Variants in ITIH1 observed in about 807,000 individuals in gnomAD.
The protein encoded by ITIH1 is inter-alpha-trypsin inhibitor heavy chain H1.
A neutral mutation model predicts 104.6 loss-of-function variants in ITIH1; 94 were observed. The observed-to-expected ratio is 0.90, with a 90% CI of 0.76 to 1.07. The LOEUF (loss-of-function observed/expected upper bound fraction) is 1.07. Among genes scored for constraint, ITIH1 ranks in the 50% least tolerant of loss-of-function variants. ITIH1 has a pLI of 0.00. For missense variants in ITIH1, 1,193 were observed against 1,181.4 expected, an observed-to-expected ratio of 1.01 and a Z score of -0.14; for synonymous variants, 455 against 464.4, an observed-to-expected ratio of 0.98 and a Z score of 0.26.
intron 13 of ITIH1, 106 bp from the exon 14 acceptor site, chr3:52,786,839 C>T (rs1578738730): frequency 6.8e-6 from 8 of 1,174,752 alleles, no homozygotes; most frequent in East Asian, 5.0e-5. Flanking sequence ...ACTTATGTGT[C>T]GAATGAATGA....
rs758332119 is a variant in ITIH1, at chr3:52,788,057, G to T, written c.1996G>T (p.Val666Leu). 6.2e-7 allele frequency: 1 copy of T among 1,603,784 alleles called. No individual in the cohort carries two copies. Among genetic ancestry groups the T allele is most frequent in the Non-Finnish European group, 8.5e-7 (1 of 1,174,522 alleles). The change falls in exon 17 of 22, where the codon GTG becomes TTG. Residue 666 changes from valine (V) to leucine (L), a missense_variant. By Grantham distance (32) the Val-to-Leu change is conservative. Coordinates refer to ENST00000273283, the MANE Select transcript of ITIH1 (RefSeq NM_002215.4). ...CAATACCCAGCGGCTGCCAGACCGAGTGACCGGCGGTGAGTCCTTGGAAGG... is the reference window on the plus strand; with the variant it reads ...CAATACCCAGCGGCTGCCAGACCGATTGACCGGCGGTGAGTCCTTGGAAGG... ...SSNTQRLPDR[V>L]TGVDTDPHFI...
intron 11 of ITIH1, 146 bp from the exon 12 acceptor site, chr3:52,784,898 G>A (rs1699159771): frequency 5.7e-6 from 4 of 701,618 alleles, no homozygotes; most frequent in African/African-American, 3.8e-5. Flanking sequence ...AAAATCAGCA[G>A]CATGACCTCG....
At position 52,780,363 on chromosome 3, in the gene ITIH1, A is replaced by C. The variant is rs764121160; in HGVS notation, c.668A>C (p.Lys223Thr). Reference protein sequence around the residue: ...PKELAAQTIKKSFSGKKGHVL... With the variant: ...PKELAAQTIKTSFSGKKGHVL... ...GAACTGGCAGCCCAAACTATCAAGA[A>C]GTCCTTCTCAGGAAAAAAGGTACAT... Residue 223 changes from lysine to threonine, a missense_variant, in exon 6 of 22, where the codon AAG becomes ACG. Physicochemically the swap from Lys to Thr is moderately conservative, Grantham distance 78. Coordinates refer to ENST00000273283, the MANE Select transcript of ITIH1 (RefSeq NM_002215.4). The C allele has an allele frequency of 6.2e-7, 1 of 1,613,816 alleles. No individual in the cohort carries two copies. Among genetic ancestry groups the C allele is most frequent in the Non-Finnish European group, 8.5e-7 (1 of 1,179,828 alleles).
intron 12 of ITIH1, among the ~76,000 whole-genome samples, chr3:52,785,596 A>G (rs1362896620): frequency 1.3e-5 from 2 of 152,244 alleles, no homozygotes; most frequent in Non-Finnish European, 2.9e-5. Context: ...GCCATGGTGC[A>G]GTGCATGCAT....
rs566644118 is a variant in ITIH1 at position 52,782,062 on chromosome 3, C to A, written c.810C>A (p.Leu270=). The change falls in exon 7 of 22, where the codon CTC becomes CTA. Residue 270 remains leucine, a synonymous_variant. Coordinates refer to ENST00000273283, the MANE Select transcript of ITIH1 (RefSeq NM_002215.4). Reference sequence around the variant, plus strand: ...TCAGTCGAGACAAGATCTGCGACCTCCTGGTGAGCCCTGAGCTTCTGGCTC... The same window carrying A: ...TCAGTCGAGACAAGATCTGCGACCTACTGGTGAGCCCTGAGCTTCTGGCTC... ...YDVSRDKICD[L]LVANNHFAHF... 5.0e-4 allele frequency: 807 copies of A among 1,614,164 alleles called. 10 individuals are homozygous for A. In the South Asian group the frequency reaches 8.5e-3, roughly 17 times the overall value.
At chr3:52,788,414 C>A in intron 18 of ITIH1, 69 bp downstream of exon 18, 2 of 1,077,038 alleles carry the variant, frequency 1.9e-6, no homozygotes, top group Admixed American at 2.0e-5. Flanking sequence ...CAGCCAGGAA[C>A]AGGACTATGG....
At chr3:52,791,692 TC>T in intron 21 of ITIH1, 64 bp downstream of exon 21, 1 of 1,607,794 alleles carries the variant, frequency 6.2e-7, no homozygotes, top group Non-Finnish European at 8.5e-7. Context: ...CAGGTCTTCC[TC>T]CAGGTGTCAC....
chr3:52,787,017 T>G lies in ITIH1; in HGVS notation c.1806T>G (p.Phe602Leu). The G allele has an allele frequency of 6.2e-7, 1 of 1,614,146 alleles. No individual in the cohort carries two copies. The change falls in exon 14 of 22, where the codon TTT (phenylalanine) becomes TTG (leucine). Residue 602 changes from phenylalanine to leucine, a missense_variant. Physicochemically the swap from Phe to Leu is conservative, Grantham distance 22. Coordinates refer to ENST00000273283, the MANE Select transcript of ITIH1 (RefSeq NM_002215.4). ...TGCAGATGTCGCTGGACTATGGGTT[T>G]GTGACCCCACTGACCTCCATGAGCA... ...QALQMSLDYGFVTPLTSMSIR... is the reference protein window; with the variant it reads ...QALQMSLDYGLVTPLTSMSIR...
chr3:52,790,623 A>C, intron 19 of ITIH1, 126 bp from the exon 20 acceptor site: 1 of 917,134 alleles, frequency 1.1e-6, no homozygotes, highest in Non-Finnish European at 1.7e-6. Context: ...ACAGCCGGCC[A>C]TCTGGGGATG....
In ITIH1 at chr3:52,778,896, G is replaced by A. The variant is rs1228969857; in HGVS notation, c.306-46G>A. On this transcript the variant is annotated intron_variant, in intron 3 of 21. Coordinates refer to ENST00000273283, the MANE Select transcript of ITIH1 (RefSeq NM_002215.4). ...GGACAGGCCCTCTCAGGACCTGTGTGGTCAGGAGGCTCATCTTTCCTGAGG... is the reference window on the plus strand; with the variant it reads ...GGACAGGCCCTCTCAGGACCTGTGTAGTCAGGAGGCTCATCTTTCCTGAGG... 9 of 1,383,542 alleles carry A rather than the reference G, an allele frequency of 6.5e-6. No individual in the cohort carries two copies. The East Asian group carries it at 1.6e-4, about 25-fold the overall frequency. 85.7% of individuals were successfully genotyped at this position (1,383,542 alleles called of 1,614,324 possible).
intron 11 of ITIH1, 100 bp downstream of exon 11, chr3:52,784,577 G>C: frequency 8.2e-7 from 1 of 1,223,750 alleles, no homozygotes; most frequent in Non-Finnish European, 1.1e-6. Context: ...ATAAAGCTCT[G>C]GCATAGAGTT....
intron 5 of ITIH1, 149 bp from the exon 6 acceptor site, chr3:52,780,120 T>G (rs1344305506): frequency 1.1e-5 from 10 of 905,442 alleles, no homozygotes; most frequent in Non-Finnish European, 1.7e-5. Context: ...GTAGAGAATT[T>G]GCTTCAGTGT....
rs758508623 is a variant in ITIH1, at chr3:52,789,667, G to A, written c.2134G>A (p.Gly712Arg). 4 of 1,614,158 alleles carry A rather than the reference G, an allele frequency of 2.5e-6. No homozygotes were observed. The East Asian group carries it at 6.7e-5, about 27-fold the overall frequency. The part of the protein sequence containing the change: ...QDPNTGFSVN[G>R]QLIGNKARSP... ...CTCCATTGCAGGCTTCTCAGTGAATGGACAGCTCATTGGCAACAAGGCCAG... is the reference window on the plus strand; with the variant it reads ...CTCCATTGCAGGCTTCTCAGTGAATAGACAGCTCATTGGCAACAAGGCCAG... The change falls in exon 19 of 22, where the codon GGA becomes AGA. Residue 712 changes from glycine (G) to arginine (R), a missense_variant. Physicochemically the swap from Gly to Arg is moderately radical, Grantham distance 125. Coordinates refer to ENST00000273283, the MANE Select transcript of ITIH1 (RefSeq NM_002215.4).
intron 12 of ITIH1, among the ~76,000 whole-genome samples, chr3:52,785,721 G>A (rs1699180661): frequency 6.6e-6 from 1 of 152,232 alleles, no homozygotes; most frequent in African/African-American, 2.4e-5. Context: ...TTTGAGTAAG[G>A]AGAGTTGAGC....
In ITIH1 at chr3:52,791,907, T is replaced by G; in HGVS notation, c.2732T>G (p.Phe911Cys). 1 of 1,611,836 alleles carries G rather than the reference T, an allele frequency of 6.2e-7. No individual in the cohort carries two copies. Among genetic ancestry groups the G allele is most frequent in the Non-Finnish European group, 8.5e-7 (1 of 1,178,664 alleles). Reference protein sequence around the residue: ...AYTDYIVPDIF With the variant: ...AYTDYIVPDIC The stretch of plus-strand genomic sequence containing the variant: ...ACTGATTATATCGTCCCCGACATCT[T>G]CTGAGCCCTCTGGCCAGCACGCCTG... Residue 911 changes from phenylalanine to cysteine, a missense_variant, in exon 22 of 22, where the codon TTC becomes TGC. By Grantham distance (205) the Phe-to-Cys change is radical (BLOSUM62 -2). Transcript: ENST00000273283.
intron 6 of ITIH1, 21 bp from the exon 7 acceptor site, chr3:52,781,919 T>C (rs1444636153): frequency 1.2e-6 from 2 of 1,613,754 alleles, no homozygotes; most frequent in African/African-American, 1.3e-5. Flanking sequence ...CAGTAATGGC[T>C]CACACTCTCG....
At position 52,781,203 on chromosome 3, in the gene ITIH1, TTTTTTTTCTTCTTCTTC is replaced by T. The variant is rs1559461145; in HGVS notation, c.688-734_688-718del. Among the ~76,000 whole-genome samples the T allele has an allele frequency of 1.2e-3, 151 of 122,736 alleles. 2 individuals carry two copies. The highest frequency in any genetic ancestry group is 4.6e-3 in the African/African-American group (127 of 27,438). 80.5% of individuals were successfully genotyped at this position (122,736 alleles called of 152,430 possible). A position where few individuals can be genotyped will look rare whatever the true frequency, so the allele number is the denominator to read the frequency against. On this transcript the variant is annotated intron_variant, in intron 6 of 21. Coordinates refer to ENST00000273283, the MANE Select transcript of ITIH1 (RefSeq NM_002215.4). ...TCCTTCACCTCCTCCTCTTCTTTTT[TTTTTTTTCTTCTTCTTC>T]TTCTTCTTCTTCTTCTTCTTCTTCT...
chr3:52,779,653 A>T lies in ITIH1; in HGVS notation c.573+59A>T. ...CCTCTCTCCGTCACCATGGCTCCCA[A>T]CACTGGTTGAGCACCCACCATGTGT... On this transcript the variant is annotated intron_variant, in intron 5 of 21. Coordinates refer to ENST00000273283, the MANE Select transcript of ITIH1 (RefSeq NM_002215.4). The surrounding 1 kb of genome is among the most constrained non-coding windows in gnomAD (Gnocchi z 4.4). 1.3e-6 allele frequency: 2 copies of T among 1,583,564 alleles called. No individual in the cohort carries two copies. Among genetic ancestry groups the T allele is most frequent in the Non-Finnish European group, 1.7e-6 (2 of 1,152,796 alleles).
intron 20 of ITIH1, 78 bp from the exon 21 acceptor site, chr3:52,791,439 C>A (rs996234650): frequency 5.9e-6 from 7 of 1,177,220 alleles, no homozygotes; most frequent in East Asian, 2.4e-5. Flanking sequence ...GCTCTAACCC[C>A]GCAGTGAGCA....
Sources: gnomAD v4.1 joint callset for allele counts (sites outside exome capture counted in the v4.1 genomes callset) on GRCh38, gnomAD v4.1.1 for gene constraint, Gnocchi (gnomAD v3.1) non-coding constraint, MANE v1.5 for transcripts, NCBI Gene and HGNC (gene_info 2026-07-23, HGNC 2026-07-21) for gene names.